Variants in NTRK2 observed in about 807,000 individuals in gnomAD.
NTRK2 encodes neurotrophic receptor tyrosine kinase 2.
NTRK2 carries 13 observed loss-of-function variants against 94.5 expected under a neutral mutation model. That is an observed-to-expected ratio of 0.14 (90% CI 0.09 to 0.22). The LOEUF (loss-of-function observed/expected upper bound fraction) is 0.22, where lower values mean the gene tolerates loss of function less well. NTRK2 is among the 10% of genes least tolerant of loss of function. NTRK2 has a pLI of 1.00. For synonymous variants in NTRK2, 372 were observed against 407.4 expected, an observed-to-expected ratio of 0.91 and a Z score of 1.05; for missense variants, 639 against 1,071.2, an observed-to-expected ratio of 0.60 and a Z score of 5.63.
chr9:84,703,220 A>C (rs771248684), intron 4 of NTRK2, among the ~76,000 whole-genome samples: 4 of 152,318 alleles, frequency 2.6e-5, no homozygotes, highest in Non-Finnish European at 4.4e-5. Context: ...GCCTGCATTT[A>C]TTGATTCTGT....
At chr9:85,006,038 A>G (rs897815200) in intron 17 of NTRK2, among the ~76,000 whole-genome samples, 2 of 152,218 alleles carry the variant, frequency 1.3e-5, no homozygotes, top group African/African-American at 4.8e-5. Flanking sequence ...CACACCCAGG[A>G]GGTAGCTCAA....
intron 12 of NTRK2, among the ~76,000 whole-genome samples, chr9:84,804,757 C>G (rs1357575375): frequency 6.6e-6 from 1 of 152,202 alleles, no homozygotes; most frequent in Non-Finnish European, 1.5e-5. Flanking sequence ...ATAAGCCCCT[C>G]TAGACTTAGA....
intron 2 of NTRK2, among the ~76,000 whole-genome samples, chr9:84,691,375 G>A (rs892110705): frequency 1.5e-5 from 1 of 65,814 alleles, no homozygotes; most frequent in African/African-American, 7.4e-5. Context: ...TCCCAGGGCT[G>A]TAATTATAAC....
chr9:84,934,047 C>A, intron 14 of NTRK2, 115 bp from the exon 15 acceptor site: 1 of 1,148,706 alleles, frequency 8.7e-7, no homozygotes, highest in Admixed American at 1.8e-5. Context: ...GTTCACTGTG[C>A]ACAGAGGAGA....
intron 12 of NTRK2, among the ~76,000 whole-genome samples, chr9:84,827,754 T>C (rs1400665127): frequency 1.5e-5 from 2 of 135,214 alleles, no homozygotes; most frequent in Admixed American, 7.9e-5. Flanking sequence ...CTGCTTGTTG[T>C]CTATGTCCTC....
At chr9:84,746,013 C>T (rs2064035116) in intron 11 of NTRK2, among the ~76,000 whole-genome samples, 1 of 152,020 alleles carries the variant, frequency 6.6e-6, no homozygotes. Flanking sequence ...GTGAGCTCTG[C>T]CTCCTTATAA....
intron 11 of NTRK2, among the ~76,000 whole-genome samples, chr9:84,746,209 C>T (rs890259084): frequency 6.6e-6 from 1 of 152,166 alleles, no homozygotes; most frequent in African/African-American, 2.4e-5. Context: ...TTTCATAACA[C>T]ACGAAAGTTT....
At chr9:84,703,173 C>G (rs917812573) in intron 4 of NTRK2, among the ~76,000 whole-genome samples, 2 of 152,194 alleles carry the variant, frequency 1.3e-5, no homozygotes, top group Admixed American at 1.3e-4. Context: ...ACTCCCATCC[C>G]CTGAGTTTTT....
At chr9:84,763,886 C>CT (rs2065816666) in intron 12 of NTRK2, among the ~76,000 whole-genome samples, 1 of 151,276 alleles carries the variant, frequency 6.6e-6, no homozygotes, top group Non-Finnish European at 1.5e-5. Flanking sequence ...CATGGCTTCT[C>CT]TTTTTCCCTG....
intron 12 of NTRK2, among the ~76,000 whole-genome samples, chr9:84,840,888 A>G (rs762800028): frequency 3.3e-5 from 5 of 151,750 alleles, no homozygotes; most frequent in African/African-American, 4.8e-5. Context: ...TTCTTATCCT[A>G]CTTGGCCTGT....
At chr9:84,917,991 A>T (rs1389653210) in intron 14 of NTRK2, among the ~76,000 whole-genome samples, 1 of 152,196 alleles carries the variant, frequency 6.6e-6, no homozygotes, top group Non-Finnish European at 1.5e-5. Flanking sequence ...CACACACCGA[A>T]ATCAAGAGAG....
chr9:84,777,196 TA>T (rs1588525598), intron 12 of NTRK2, among the ~76,000 whole-genome samples: 1 of 152,274 alleles, frequency 6.6e-6, no homozygotes, highest in East Asian at 1.9e-4. Flanking sequence ...TCATAAATAG[TA>T]GAGTCACTGG....
At chr9:84,943,093 C>T (rs2132820870) in intron 15 of NTRK2, among the ~76,000 whole-genome samples, 1 of 152,272 alleles carries the variant, frequency 6.6e-6, no homozygotes, top group African/African-American at 2.4e-5. Context: ...TTGTCTTTCA[C>T]CTTAACAAAG....
chr9:84,825,718 G>A (rs1214280778), intron 12 of NTRK2, among the ~76,000 whole-genome samples: 1 of 152,208 alleles, frequency 6.6e-6, no homozygotes, highest in Non-Finnish European at 1.5e-5. Flanking sequence ...TCTGCACACA[G>A]AGTGGCACCT....
chr9:84,728,086 C>A, intron 9 of NTRK2, 127 bp downstream of exon 9: 2 of 855,152 alleles, frequency 2.3e-6, no homozygotes, highest in Non-Finnish European at 1.9e-6. Context: ...TAGTGTTGCT[C>A]ATGGATCCAT....
intron 4 of NTRK2, among the ~76,000 whole-genome samples, chr9:84,703,188 G>T (rs1348256777): frequency 6.6e-6 from 1 of 152,154 alleles, no homozygotes; most frequent in Non-Finnish European, 1.5e-5. Context: ...GTTTTTAGTG[G>T]AACTTCTGCC....
chr9:84,832,168 A>T (rs2073592371), intron 12 of NTRK2, among the ~76,000 whole-genome samples: 1 of 152,198 alleles, frequency 6.6e-6, no homozygotes, highest in Non-Finnish European at 1.5e-5. Context: ...CTGGAAACCT[A>T]GTGGCTTTCT....
chr9:84,980,472 C>T (rs1481376610), intron 17 of NTRK2, among the ~76,000 whole-genome samples: 1 of 152,172 alleles, frequency 6.6e-6, no homozygotes, highest in African/African-American at 2.4e-5. Context: ...AATAGTTGCA[C>T]AGCATTCACC....
At chr9:84,860,925 T>G in intron 12 of NTRK2, 115 bp from the exon 13 acceptor site, 2 of 450,510 alleles carry the variant, frequency 4.4e-6, no homozygotes, top group South Asian at 3.9e-5. Context: ...ATTTATTTAT[T>G]TATTTATTTT....
Sources: gnomAD v4.1 joint callset for allele counts (sites outside exome capture counted in the v4.1 genomes callset) on GRCh38, gnomAD v4.1.1 for gene constraint, MANE v1.5 for transcripts, NCBI Gene and HGNC (gene_info 2026-07-23, HGNC 2026-07-21) for gene names.